The following CEP128 variants were observed in gnomAD, a reference collection of about 807,000 sequenced individuals.
CEP128 encodes the protein centrosomal protein 128kDa.
Under a neutral mutation model 156.7 loss-of-function variants are expected in CEP128, and 132 were observed. The ratio of observed to expected loss-of-function variants is 0.84; its 90% CI spans 0.73 to 0.97. The LOEUF (loss-of-function observed/expected upper bound fraction) is 0.97. CEP128 is among the 50% of genes least tolerant of loss of function. The pLI, the probability that CEP128 is intolerant of heterozygous loss-of-function variation, is 0.00. For synonymous variants in CEP128, 469 were observed against 448.9 expected, an observed-to-expected ratio of 1.04 and a Z score of -0.57; for missense variants, 1,252 against 1,281.9, an observed-to-expected ratio of 0.98 and a Z score of 0.36.
chr14:80,919,063 A>C (rs1884710612), intron 2 of CEP128, among the ~76,000 whole-genome samples: 2 of 152,344 alleles, frequency 1.3e-5, no homozygotes, highest in South Asian at 2.1e-4. Flanking sequence ...GAAATCACTG[A>C]AGTTAAGAAA....
intron 23 of CEP128, among the ~76,000 whole-genome samples, chr14:80,522,904 G>A (rs1175299046): frequency 2.6e-5 from 4 of 152,184 alleles, no homozygotes; most frequent in Non-Finnish European, 4.4e-5. Flanking sequence ...TAGATCAGGC[G>A]TTGTCCAGTT....
At chr14:80,855,221 C>T (rs747858207) in intron 9 of CEP128, among the ~76,000 whole-genome samples, 18 of 152,194 alleles carry the variant, frequency 1.2e-4, no homozygotes, top group South Asian at 1.0e-3. Context: ...GGCTCTGACA[C>T]CCTGCCTGTG....
chr14:80,822,436 G>A, intron 13 of CEP128: 1 of 479,554 alleles, frequency 2.1e-6, no homozygotes, highest in Admixed American at 2.4e-5. Flanking sequence ...TGGGAGCAGT[G>A]TGAAGAAGAG....
intron 19 of CEP128, among the ~76,000 whole-genome samples, chr14:80,740,449 TACACACAC>T (rs58752743): frequency 1.2e-3 from 179 of 146,188 alleles, no homozygotes; most frequent in African/African-American, 3.3e-3. Flanking sequence ...TATATACACA[TACACACAC>T]ACACACACAC....
Position 80,526,404 on chromosome 14 carries a change from C to T in CEP128, c.3072+465G>A, listed in dbSNP as rs573531443. Among the ~76,000 whole-genome samples the T allele has an allele frequency of 2.2e-4, 34 of 152,084 alleles. No individual in the cohort carries two copies. In the South Asian group the frequency reaches 2.5e-3, roughly 11 times the overall value. The stretch of plus-strand genomic sequence containing the variant: ...TTCCCAGTGTCCTGTGCTGGCTCCA[C>T]GGTAATAAACCAAAAGCTGAAGTAT... On this transcript the variant is annotated intron_variant, in intron 23 of 24. Coordinates refer to ENST00000555265, the MANE Select transcript of CEP128 (RefSeq NM_152446.5).
intron 2 of CEP128, among the ~76,000 whole-genome samples, chr14:80,950,296 T>G (rs1429017331): frequency 1.3e-5 from 2 of 152,238 alleles, no homozygotes; most frequent in African/African-American, 4.8e-5. Context: ...CCTCCAGAAC[T>G]GTGAACAAAT....
intron 2 of CEP128, among the ~76,000 whole-genome samples, chr14:80,936,551 C>T (rs370701975): frequency 4.6e-5 from 7 of 152,230 alleles, no homozygotes; most frequent in Non-Finnish European, 1.0e-4. Flanking sequence ...TGTGCATATC[C>T]GATAAAGGCC....
intron 13 of CEP128, among the ~76,000 whole-genome samples, chr14:80,802,679 A>G (rs574454030): frequency 3.9e-5 from 6 of 152,138 alleles, no homozygotes; most frequent in Non-Finnish European, 8.8e-5. Context: ...TAGAAGAAAT[A>G]AAGAAAAAAA....
At chr14:80,481,369 G>A (rs1031932042) in intron 14 of CEP128, among the ~76,000 whole-genome samples, 1 of 152,232 alleles carries the variant, frequency 6.6e-6, no homozygotes, top group East Asian at 1.9e-4. Flanking sequence ...GGGAAAGACC[G>A]GCCCCCATGG....
intron 20 of CEP128, among the ~76,000 whole-genome samples, chr14:80,573,741 G>A (rs780297868): frequency 4.6e-5 from 7 of 152,174 alleles, no homozygotes; most frequent in Non-Finnish European, 1.0e-4. Context: ...AAGGCAGACT[G>A]CTAATGCGTT....
At chr14:80,579,816 C>T (rs1428747762) in intron 20 of CEP128, among the ~76,000 whole-genome samples, 1 of 152,192 alleles carries the variant, frequency 6.6e-6, no homozygotes, top group Non-Finnish European at 1.5e-5. Context: ...GAACTTCTGT[C>T]AGATGCCAAC....
intron 24 of CEP128, among the ~76,000 whole-genome samples, chr14:80,497,858 C>T (rs1187436290): frequency 6.6e-6 from 1 of 152,138 alleles, no homozygotes; most frequent in East Asian, 1.9e-4. Context: ...ATAAACCACA[C>T]CGGTGTGCAC....
intron 11 of CEP128, among the ~76,000 whole-genome samples, chr14:80,836,557 C>T (rs542467445): frequency 2.0e-5 from 3 of 151,782 alleles, no homozygotes; most frequent in South Asian, 4.1e-4. Context: ...TGGAATGTGA[C>T]TAGATTTTTT....
intron 13 of CEP128, among the ~76,000 whole-genome samples, chr14:80,798,614 T>C (rs550041545): frequency 6.6e-6 from 1 of 152,336 alleles, no homozygotes; most frequent in East Asian, 1.9e-4. Flanking sequence ...CTAGACACAG[T>C]GAATTCTCCT....
chr14:80,726,180 G>T (rs1898014816), intron 19 of CEP128, among the ~76,000 whole-genome samples: 1 of 152,136 alleles, frequency 6.6e-6, no homozygotes, highest in African/African-American at 2.4e-5. Context: ...TTTAGCCAAG[G>T]CTTCAGGAGC....
chr14:80,635,863 G>A (rs1678087065), intron 19 of CEP128, among the ~76,000 whole-genome samples: 1 of 152,154 alleles, frequency 6.6e-6, no homozygotes, highest in African/African-American at 2.4e-5. Flanking sequence ...AAATGCAGGT[G>A]CACAACACAC....
chr14:80,959,056 C>T (rs1020058652), intron 1 of CEP128, among the ~76,000 whole-genome samples: 5 of 152,200 alleles, frequency 3.3e-5, no homozygotes, highest in African/African-American at 1.2e-4. Flanking sequence ...AAACAGCTCT[C>T]TTGCCCTACT....
intron 19 of CEP128, among the ~76,000 whole-genome samples, chr14:80,634,036 G>A (rs1894077170): frequency 6.6e-6 from 1 of 152,124 alleles, no homozygotes. Flanking sequence ...CCCACGACTG[G>A]AAAGCCATAT....
At chr14:80,660,688 G>A (rs949194552) in intron 19 of CEP128, among the ~76,000 whole-genome samples, 1 of 152,118 alleles carries the variant, frequency 6.6e-6, no homozygotes, top group Non-Finnish European at 1.5e-5. Context: ...AGTCTTATAA[G>A]GTATTGAAAG....
Sources: gnomAD v4.1 joint callset for allele counts (sites outside exome capture counted in the v4.1 genomes callset) on GRCh38, gnomAD v4.1.1 for gene constraint, MANE v1.5 for transcripts, NCBI Gene and HGNC (gene_info 2026-07-23, HGNC 2026-07-21) for gene names.